The following XPNPEP3 variants were observed in gnomAD, a reference collection of about 807,000 sequenced individuals.
The protein encoded by XPNPEP3 is xaa-Pro aminopeptidase 3.
A neutral mutation model predicts 60.0 loss-of-function variants in XPNPEP3; 41 were observed. The observed-to-expected ratio is 0.68, with a 90% CI of 0.53 to 0.89. The LOEUF (loss-of-function observed/expected upper bound fraction) is 0.89, where lower values mean the gene tolerates loss of function less well. XPNPEP3 is among the 40% of genes least tolerant of loss of function. The pLI, the probability that XPNPEP3 is intolerant of heterozygous loss-of-function variation, is 0.00. For synonymous variants in XPNPEP3, 212 were observed against 223.2 expected, an observed-to-expected ratio of 0.95 and a Z score of 0.45; for missense variants, 598 against 638.9, an observed-to-expected ratio of 0.94 and a Z score of 0.69.
At position 40,859,126 on chromosome 22, in the gene XPNPEP3, A is replaced by G. The variant is rs536062449; in HGVS notation, c.64+1881A>G. Among the ~76,000 whole-genome samples, 104 of 152,270 alleles carry G rather than the reference A, an allele frequency of 6.8e-4. No homozygotes were observed. In the Middle Eastern group the frequency reaches 0.014, roughly 20 times the overall value. On this transcript the variant is annotated intron_variant, in intron 1 of 9. Transcript: ENST00000357137. ...AAAATGTGTAAAAATGTATTTGACC[A>G]TGGACCCCTTTTCTGTGATGAATCT... is the stretch of plus-strand genomic sequence containing the variant.
intron 2 of XPNPEP3, among the ~76,000 whole-genome samples, chr22:40,869,734 C>T (rs1024833482): frequency 3.3e-5 from 5 of 152,086 alleles, no homozygotes; most frequent in Non-Finnish European, 5.9e-5. Flanking sequence ...TGTCTTATAA[C>T]TATTGCTCAA....
rs1601490995 is a variant in XPNPEP3 at position 40,868,900 on chromosome 22, T to C, written c.65-99T>C. On this transcript the variant is annotated intron_variant, in intron 1 of 9. Transcript: ENST00000357137. ...AGAAGGAAGGAAATATTAGTTTGCA[T>C]TTTTCTAAAGCATCTAAACTGCTAG... The C allele has an allele frequency of 1.6e-5, 16 of 975,110 alleles. No individual in the cohort carries two copies. In the South Asian group the frequency reaches 2.1e-4, roughly 13 times the overall value. 60.4% of individuals were successfully genotyped at this position (975,110 alleles called of 1,614,324 possible). A position where few individuals can be genotyped will look rare whatever the true frequency, so the allele number is the denominator to read the frequency against.
At chr22:40,867,211 C>T (rs138468118) in intron 1 of XPNPEP3, among the ~76,000 whole-genome samples, 79 of 152,270 alleles carry the variant, frequency 5.2e-4, no homozygotes, top group African/African-American at 1.9e-3. Context: ...CAGAATCAGA[C>T]TCAGAGAAGT....
intron 4 of XPNPEP3, among the ~76,000 whole-genome samples, chr22:40,887,116 C>T (rs1044124099): frequency 2.0e-5 from 3 of 152,116 alleles, no homozygotes; most frequent in Admixed American, 2.0e-4. Context: ...CTAATAGTGT[C>T]AGTTAAACAG....
chr22:40,909,072 G>C, intron 5 of XPNPEP3, 50 bp from the exon 6 acceptor site: 1 of 1,505,638 alleles, frequency 6.6e-7, no homozygotes. Flanking sequence ...GCTTGGGCTG[G>C]GGCAGCCCTA....
chr22:40,868,877 A>T, intron 1 of XPNPEP3, 122 bp from the exon 2 acceptor site: 1 of 795,026 alleles, frequency 1.3e-6, no homozygotes. Flanking sequence ...TGAAGGAGAG[A>T]AGGAAGGAAA....
chr22:40,919,386 C>G (rs1428669815), intron 7 of XPNPEP3, among the ~76,000 whole-genome samples: 1 of 152,184 alleles, frequency 6.6e-6, no homozygotes, highest in Non-Finnish European at 1.5e-5. Context: ...GAAACCCCGT[C>G]CATACTAAAA....
chr22:40,888,109 A>G (rs940167241), intron 4 of XPNPEP3, among the ~76,000 whole-genome samples: 3 of 152,144 alleles, frequency 2.0e-5, no homozygotes, highest in South Asian at 2.1e-4. Flanking sequence ...CCCCTCCTCC[A>G]GCCCCCAGTA....
At position 40,932,072 on chromosome 22, in the gene XPNPEP3, CT is replaced by C. The variant is rs1385793992; in HGVS notation, c.*5638del. The C allele has an allele frequency of 1.3e-5, 2 of 152,352 alleles. No homozygotes were observed. The highest frequency in any genetic ancestry group is 3.9e-4 in the East Asian group (2 of 5,188). The allele number at this position is 152,352 out of a possible 1,614,324, so 9.4% of individuals were successfully genotyped here. ...AGCACAAATGCTGCTTCTCCCCCTC[CT>C]GTTCCCATGTCAGAGATGGAGAAGA... On this transcript the variant is annotated 3_prime_UTR_variant, in exon 10 of 10. Transcript: ENST00000357137.
At chr22:40,893,960 G>C (rs185486012) in intron 4 of XPNPEP3, among the ~76,000 whole-genome samples, 10 of 152,288 alleles carry the variant, frequency 6.6e-5, no homozygotes, top group Non-Finnish European at 1.3e-4. Context: ...TGTCACTCCT[G>C]GAAGTGTGCT....
At chr22:40,874,216 G>A (rs1337825876) in intron 2 of XPNPEP3, among the ~76,000 whole-genome samples, 2 of 152,068 alleles carry the variant, frequency 1.3e-5, no homozygotes, top group Non-Finnish European at 2.9e-5. Context: ...CCATGATTGC[G>A]CCACTGCACT....
intron 4 of XPNPEP3, among the ~76,000 whole-genome samples, chr22:40,899,112 T>C (rs1037093546): frequency 2.6e-5 from 4 of 152,164 alleles, no homozygotes; most frequent in Non-Finnish European, 4.4e-5. Flanking sequence ...GTCTAGAAAA[T>C]GGCTCATTTT....
At chr22:40,904,033 C>T (rs1261650134) in intron 4 of XPNPEP3, among the ~76,000 whole-genome samples, 1 of 151,926 alleles carries the variant, frequency 6.6e-6, no homozygotes, top group East Asian at 1.9e-4. Flanking sequence ...CAAAGAAAGC[C>T]CATTTTACAT....
At chr22:40,866,947 C>T (rs373291851) in intron 1 of XPNPEP3, among the ~76,000 whole-genome samples, 5 of 152,232 alleles carry the variant, frequency 3.3e-5, no homozygotes, top group South Asian at 4.1e-4. Context: ...ATTTTACTGC[C>T]TAATGAGATT....
chr22:40,898,791 T>C (rs2058119894), intron 4 of XPNPEP3, among the ~76,000 whole-genome samples: 1 of 152,152 alleles, frequency 6.6e-6, no homozygotes, highest in Non-Finnish European at 1.5e-5. Context: ...CACAGTATCA[T>C]TCATAACCTG....
intron 4 of XPNPEP3, among the ~76,000 whole-genome samples, chr22:40,888,837 A>G (rs1027257157): frequency 6.6e-6 from 1 of 152,028 alleles, no homozygotes; most frequent in African/African-American, 2.4e-5. Flanking sequence ...TCCCACTAGC[A>G]ACGCACCAAG....
intron 6 of XPNPEP3, among the ~76,000 whole-genome samples, chr22:40,909,479 C>T (rs748547492): frequency 3.9e-5 from 6 of 152,134 alleles, no homozygotes; most frequent in African/African-American, 9.7e-5. Flanking sequence ...AATAAAACAA[C>T]ATAGGCCAGG....
chr22:40,914,573 G>A (rs1431270749), intron 7 of XPNPEP3, among the ~76,000 whole-genome samples: 15 of 127,154 alleles, frequency 1.2e-4, no homozygotes, highest in African/African-American at 3.7e-4. Context: ...GGTAAGAGAC[G>A]GGGTCTCGCT....
intron 9 of XPNPEP3, 60 bp downstream of exon 9, chr22:40,924,542 G>C: frequency 2.5e-6 from 4 of 1,602,884 alleles, no homozygotes. Flanking sequence ...GTTTGTTTTT[G>C]AGATGGAGTT....
Sources: allele counts gnomAD v4.1 joint callset (sites outside exome capture counted in the v4.1 genomes callset), GRCh38; gene constraint gnomAD v4.1.1; transcripts MANE v1.5; gene names NCBI Gene and HGNC (gene_info 2026-07-23, HGNC 2026-07-21).